Variants in OR5D3 observed in about 807,000 individuals in gnomAD.
OR5D3 encodes the protein olfactory receptor family 5 subfamily D member 3, also known as olfactory receptor 5D3.
chr11:55,727,251 C>T, the OR5D3 span: 2 of 396,654 alleles, frequency 5.0e-6, no homozygotes, highest in Non-Finnish European at 8.9e-6. Context: ...CTCCAACTGA[C>T]AGTACAATAT....
the OR5D3 span, chr11:55,727,501 A>G: frequency 6.4e-6 from 1 of 157,322 alleles, no homozygotes; most frequent in East Asian, 1.8e-4. Context: ...TTTACCTGAT[A>G]ACATAAAATT....
the OR5D3 span, chr11:55,728,479 G>A: frequency 9.9e-5 from 15 of 152,094 alleles, 1 homozygote; most frequent in African/African-American, 3.6e-4. Flanking sequence ...TTTTAGAGAA[G>A]TTTTCAAATA....
At chr11:55,726,481 A>C in the OR5D3 span, 75 of 453,346 alleles carry the variant, frequency 1.7e-4, no homozygotes, top group Middle Eastern at 3.4e-4. Context: ...TGTGGAAGAC[A>C]GAATCATCTC....
At chr11:55,727,029 G>A in the OR5D3 span, 1 of 402,524 alleles carries the variant, frequency 2.5e-6, no homozygotes, top group African/African-American at 2.1e-5. Flanking sequence ...TCATGGTCAA[G>A]GTGGCCTCTG....
chr11:55,726,951 C>A, the OR5D3 span: 3 of 399,836 alleles, frequency 7.5e-6, no homozygotes, highest in East Asian at 3.6e-5. Context: ...CCCACCTGAC[C>A]GCCATTACCA....
At chr11:55,724,160 T>C in the OR5D3 span, 1 of 388,100 alleles carries the variant, frequency 2.6e-6, no homozygotes. Context: ...TGCCCTCAAA[T>C]CCACTTAGTT....
At chr11:55,726,245 CCTT>C in the OR5D3 span, 3 of 401,862 alleles carry the variant, frequency 7.5e-6, 1 homozygote, top group African/African-American at 6.2e-5. Context: ...GCTGGAGTCA[CCTT>C]CATCCTCTTG....
the OR5D3 span, among the ~76,000 whole-genome samples, chr11:55,725,461 CACCT>C: frequency 6.6e-6 from 1 of 152,036 alleles, no homozygotes; most frequent in Non-Finnish European, 1.5e-5. Flanking sequence ...TATTGTTTGT[CACCT>C]ACCTGTCTTC....
At chr11:55,725,345 C>T in the OR5D3 span, among the ~76,000 whole-genome samples, 1 of 151,932 alleles carries the variant, frequency 6.6e-6, no homozygotes, top group African/African-American at 2.4e-5. Context: ...GATGGGTCTT[C>T]CTGACACTTA....
At chr11:55,728,928 A>T in the OR5D3 span, 2 of 152,046 alleles carry the variant, frequency 1.3e-5, no homozygotes, top group Non-Finnish European at 2.9e-5. Flanking sequence ...AAGGAGCACA[A>T]AAAAGGATTT....
chr11:55,725,909 C>G, the OR5D3 span, among the ~76,000 whole-genome samples: 1 of 152,010 alleles, frequency 6.6e-6, no homozygotes, highest in Non-Finnish European at 1.5e-5. Flanking sequence ...TTCATGCAAA[C>G]TTAGAGTGGC....
At chr11:55,726,259 G>T in the OR5D3 span, 1 of 404,198 alleles carries the variant, frequency 2.5e-6, no homozygotes. Context: ...CATCCTCTTG[G>T]GCTTCTCAGA....
At chr11:55,726,390 G>A in the OR5D3 span, 1 of 474,040 alleles carries the variant, frequency 2.1e-6, no homozygotes, top group East Asian at 3.1e-5. Context: ...ACACCCCTAT[G>A]TACTTTTTCC....
At chr11:55,727,929 G>A in the OR5D3 span, 2 of 151,966 alleles carry the variant, frequency 1.3e-5, no homozygotes. Context: ...ATGATATTGA[G>A]ATAATACACA....
chr11:55,725,999 T>G, the OR5D3 span, among the ~76,000 whole-genome samples: 1 of 152,054 alleles, frequency 6.6e-6, no homozygotes, highest in South Asian at 2.1e-4. Context: ...CTTAATTTTG[T>G]TTTTTATTAT....
chr11:55,728,724 C>T, the OR5D3 span: 2 of 152,046 alleles, frequency 1.3e-5, no homozygotes, highest in African/African-American at 4.8e-5. Context: ...TTTACACCAA[C>T]TTACATGTCT....
At chr11:55,726,918 G>C in the OR5D3 span, 2 of 399,514 alleles carry the variant, frequency 5.0e-6, no homozygotes, top group Admixed American at 8.8e-5. Flanking sequence ...GGGGGCGCAA[G>C]AAAGCGTTCT....
the OR5D3 span, among the ~76,000 whole-genome samples, chr11:55,724,431 T>C: frequency 6.6e-6 from 1 of 152,026 alleles, no homozygotes; most frequent in African/African-American, 2.4e-5. Flanking sequence ...GCACTAATGT[T>C]TGCAATATAT....
chr11:55,723,983 CATT>C, the OR5D3 span: 11 of 397,890 alleles, frequency 2.8e-5, no homozygotes, highest in East Asian at 3.9e-4. Context: ...TAAGCGGGAG[CATT>C]ATTGGAGTTC....
Sources: gnomAD v4.1 joint callset for allele counts (sites outside exome capture counted in the v4.1 genomes callset) on GRCh38, gnomAD v4.1.1 for gene constraint, MANE v1.5 for transcripts, NCBI Gene and HGNC (gene_info 2026-07-23, HGNC 2026-07-21) for gene names.